Variants in SYTL3 observed in about 807,000 individuals in gnomAD.
SYTL3 encodes synaptotagmin-like protein 3.
Under a neutral mutation model 82.1 loss-of-function variants are expected in SYTL3, and 88 were observed. That is an observed-to-expected ratio of 1.07 (90% CI 0.90 to 1.28). The LOEUF (loss-of-function observed/expected upper bound fraction) is 1.28. Ranked by LOEUF, SYTL3 falls within the 50% of genes most tolerant of loss-of-function variation. The pLI, the probability that SYTL3 is intolerant of heterozygous loss-of-function variation, is 0.00. For missense variants in SYTL3, 831 were observed against 757.6 expected (o/e 1.10, Z -1.14); for synonymous variants, 311 against 289.4 (o/e 1.07, Z -0.76).
intron 6 of SYTL3, among the ~76,000 whole-genome samples, chr6:158,697,597 TA>T (rs1349585675): frequency 6.6e-6 from 1 of 152,026 alleles, no homozygotes; most frequent in Non-Finnish European, 1.5e-5. Flanking sequence ...ATTAACAAAA[TA>T]AAAAGGTAAG....
chr6:158,764,786 A>G lies in SYTL3; in HGVS notation c.*182A>G. ...TCTGTGTATATTTACGTTAAACACAATTATGTTACCTAAGCCTCTGGTGGG... is the reference window on the plus strand; with the variant it reads ...TCTGTGTATATTTACGTTAAACACAGTTATGTTACCTAAGCCTCTGGTGGG... On this transcript the variant is annotated 3_prime_UTR_variant, in exon 18 of 18. Coordinates refer to ENST00000611299, the MANE Select transcript of SYTL3 (RefSeq NM_001242394.2). 1 of 519,322 alleles carries G rather than the reference A, an allele frequency of 1.9e-6. No individual in the cohort carries two copies. The highest frequency in any genetic ancestry group is 3.4e-6 in the Non-Finnish European group (1 of 290,516). 32.2% of individuals were successfully genotyped at this position (519,322 alleles called of 1,614,324 possible).
chr6:158,727,689 C>CTTTTTTTTTTTTTTTTTTTTT (rs55657606), intron 11 of SYTL3, among the ~76,000 whole-genome samples: 2 of 106,708 alleles, frequency 1.9e-5, no homozygotes, highest in Non-Finnish European at 3.6e-5. Context: ...TCCAAGTACT[C>CTTTTTTTTTTTTTTTTTTTTT]TTTTTTTTTT....
intron 11 of SYTL3, among the ~76,000 whole-genome samples, chr6:158,729,392 T>G (rs966435381): frequency 6.6e-6 from 1 of 152,018 alleles, no homozygotes; most frequent in Non-Finnish European, 1.5e-5. Flanking sequence ...CAGCCTCTTA[T>G]AAAGGCCTGA....
intron 5 of SYTL3, among the ~76,000 whole-genome samples, chr6:158,673,565 G>A (rs1451199099): frequency 2.0e-5 from 3 of 150,622 alleles, no homozygotes; most frequent in Admixed American, 6.6e-5. Flanking sequence ...TCAGGCTCCC[G>A]AGTAGCTGGG....
At chr6:158,709,425 C>T (rs1782512056) in intron 8 of SYTL3, among the ~76,000 whole-genome samples, 1 of 152,106 alleles carries the variant, frequency 6.6e-6, no homozygotes, top group South Asian at 2.1e-4. Context: ...AGTACGGTTT[C>T]TACTGAATAT....
At chr6:158,649,506 A>G (rs1000769781), upstream of SYTL3, among the ~76,000 whole-genome samples, 3 of 152,248 alleles carry the variant, frequency 2.0e-5, no homozygotes, top group African/African-American at 7.2e-5. Context: ...CTCCAGAGCA[A>G]GTCCTTGGCC....
intron 6 of SYTL3, among the ~76,000 whole-genome samples, chr6:158,689,377 G>A (rs554991837): frequency 1.3e-5 from 2 of 152,274 alleles, no homozygotes; most frequent in South Asian, 2.1e-4. Flanking sequence ...ATCTCATCAC[G>A]AATAAGATTG....
intron 6 of SYTL3, among the ~76,000 whole-genome samples, chr6:158,700,773 C>T (rs1283284360): frequency 2.6e-5 from 4 of 152,278 alleles, no homozygotes; most frequent in Admixed American, 6.5e-5. Flanking sequence ...CCCGCCACCA[C>T]GGCCGGCTAA....
At chr6:158,690,749 A>T (rs1001121228) in intron 6 of SYTL3, among the ~76,000 whole-genome samples, 5 of 152,144 alleles carry the variant, frequency 3.3e-5, no homozygotes, top group Admixed American at 6.5e-5. Flanking sequence ...TCATAACTGG[A>T]TATTTAGTTT....
chr6:158,685,169 C>A (rs1344394334), intron 6 of SYTL3, among the ~76,000 whole-genome samples: 1 of 151,588 alleles, frequency 6.6e-6, no homozygotes, highest in Non-Finnish European at 1.5e-5. Flanking sequence ...AACTGCAGCA[C>A]AGGACTTTTC....
intron 6 of SYTL3, among the ~76,000 whole-genome samples, chr6:158,693,711 T>TTCTTTCTTTCTTTCTTTCTTTC: frequency 2.1e-5 from 3 of 144,150 alleles, no homozygotes; most frequent in African/African-American, 8.8e-5. Context: ...CTTTCTTTCT[T>TTCTTTCTTTCTTTCTTTCTTTC]TCTTTCTTTT....
chr6:158,732,170 A>T (rs1785490189), intron 11 of SYTL3, among the ~76,000 whole-genome samples: 1 of 152,208 alleles, frequency 6.6e-6, no homozygotes, highest in African/African-American at 2.4e-5. Flanking sequence ...CTAAAGGTTT[A>T]AAATAGACTG....
intron 3 of SYTL3, 57 bp from the exon 4 acceptor site, chr6:158,662,693 C>G (rs772596366): frequency 1.3e-5 from 2 of 152,212 alleles, no homozygotes; most frequent in Non-Finnish European, 2.9e-5. Flanking sequence ...GGAAGTAATG[C>G]TGCAGAGATA....
chr6:158,762,642 C>T (rs571617090), intron 16 of SYTL3, among the ~76,000 whole-genome samples: 1 of 152,130 alleles, frequency 6.6e-6, no homozygotes. Flanking sequence ...TCAGGCTGGA[C>T]GCAGTGGCTC....
intron 10 of SYTL3, 121 bp from the exon 11 acceptor site, chr6:158,725,382 C>T (rs1007505435): frequency 7.2e-5 from 77 of 1,074,414 alleles, no homozygotes; most frequent in Non-Finnish European, 9.2e-5. Flanking sequence ...GTGTGTCCTC[C>T]TACTCAGAAG....
At position 158,694,131 on chromosome 6, in the gene SYTL3, C is replaced by T. The variant is rs112461353; in HGVS notation, c.394+11142C>T. Among the ~76,000 whole-genome samples the T allele has an allele frequency of 6.7e-3, 1,018 of 152,134 alleles. 12 individuals carry two copies. Among genetic ancestry groups the T allele is most frequent in the Non-Finnish European group, 8.7e-3 (589 of 67,990 alleles). ...TTTCCCAGCAGATTGGATTGCTTTT[C>T]GTGTCTCAGAGATTTTTAGACAGGT... is the stretch of plus-strand genomic sequence containing the variant. On this transcript the variant is annotated intron_variant, in intron 6 of 17. Transcript: ENST00000611299.
chr6:158,760,356 AG>A (rs1325162483), intron 14 of SYTL3, among the ~76,000 whole-genome samples: 1 of 152,140 alleles, frequency 6.6e-6, no homozygotes, highest in East Asian at 1.9e-4. Context: ...GAAATGTCTT[AG>A]GGAGTGTGCA....
chr6:158,668,978 TC>T (rs1164712468), intron 5 of SYTL3, among the ~76,000 whole-genome samples: 2 of 152,252 alleles, frequency 1.3e-5, no homozygotes, highest in East Asian at 3.9e-4. Context: ...GCTCCTGTTG[TC>T]CTCAGCAGGG....
intron 11 of SYTL3, among the ~76,000 whole-genome samples, chr6:158,727,422 C>T (rs1034552570): frequency 6.6e-5 from 10 of 152,068 alleles, no homozygotes; most frequent in African/African-American, 1.4e-4. Flanking sequence ...CTGCCTGCCT[C>T]GACCTCCCAA....
Sources: allele counts gnomAD v4.1 joint callset (sites outside exome capture counted in the v4.1 genomes callset), GRCh38; gene constraint gnomAD v4.1.1; transcripts MANE v1.5; gene names NCBI Gene and HGNC (gene_info 2026-07-23, HGNC 2026-07-21).